NFIB: variants seen among roughly 807,000 people sequenced by gnomAD.
NFIB encodes nuclear factor I B.
NFIB carries 11 observed loss-of-function variants against 61.5 expected under a neutral mutation model. The observed-to-expected ratio is 0.18, with a 90% CI of 0.11 to 0.30. The LOEUF is 0.30. Ranked by LOEUF, NFIB falls within the 10% of genes least tolerant of loss-of-function variation. NFIB has a pLI of 1.00. For missense variants in NFIB, 471 were observed against 608.9 expected, an observed-to-expected ratio of 0.77 and a Z score of 2.38; for synonymous variants, 260 against 216.5, an observed-to-expected ratio of 1.20 and a Z score of -1.76.
chr9:14,178,971 TGTTA>T (rs1177952887), intron 3 of NFIB, among the ~76,000 whole-genome samples: 1 of 152,186 alleles, frequency 6.6e-6, no homozygotes, highest in East Asian at 1.9e-4. Flanking sequence ...GTTTTGTTTT[TGTTA>T]GTTTATTCTT....
chr9:14,352,478 G>A (rs79921410), intron 1 of NFIB, among the ~76,000 whole-genome samples: 5,409 of 152,270 alleles, frequency 0.036, 111 homozygotes, highest in South Asian at 0.059. Context: ...TGACATCACC[G>A]CTTCTTTTGC....
chr9:14,143,991 A>AGTGTGTGTGT (rs141101627), intron 6 of NFIB, among the ~76,000 whole-genome samples: 7,492 of 134,126 alleles, frequency 0.056, 272 homozygotes, highest in South Asian at 0.088. Context: ...AAAGTGACAG[A>AGTGTGTGTGT]GTGTGTGTGT....
upstream of NFIB, among the ~76,000 whole-genome samples, chr9:14,401,173 C>G (rs1261761910): frequency 1.3e-5 from 2 of 152,186 alleles, no homozygotes; most frequent in African/African-American, 2.4e-5. Flanking sequence ...CTTGAAAAGG[C>G]TCATTGTGTG....
intron 1 of NFIB, among the ~76,000 whole-genome samples, chr9:14,381,930 G>A (rs1438484738): frequency 6.6e-6 from 1 of 152,164 alleles, no homozygotes; most frequent in Non-Finnish European, 1.5e-5. Flanking sequence ...AACTAAGAGA[G>A]TGGTACCAAG....
rs190496301 is a variant in NFIB at position 14,179,848 on chromosome 9, G to T, written c.563-68C>A. Reference sequence around the variant, plus strand: ...TGAAAGAATTTCACAATCCTCAAAGGACTCGAAAAAAAAATTTGAAGGTAT... The same window carrying T: ...TGAAAGAATTTCACAATCCTCAAAGTACTCGAAAAAAAAATTTGAAGGTAT... On this transcript the variant is annotated intron_variant, in intron 2 of 10. Transcript: ENST00000380953. 4.0e-6 allele frequency: 6 copies of T among 1,512,812 alleles called. No individual in the cohort carries two copies. In the Admixed American group the frequency reaches 5.8e-5, roughly 15 times the overall value. 93.7% of individuals were successfully genotyped at this position (1,512,812 alleles called of 1,614,324 possible).
In NFIB at chr9:14,254,356, C is replaced by T. The variant is rs115133571; in HGVS notation, c.562+52633G>A. On this transcript the variant is annotated intron_variant, in intron 2 of 10. Coordinates refer to ENST00000380953, the MANE Select transcript of NFIB (RefSeq NM_001190737.2). ...ACAGCATTTCTCCATAAGATGCTCC[C>T]TCCACCCCTAGAACCAGATATGAGC... Among the ~76,000 whole-genome samples, 836 of 152,170 alleles carry T rather than the reference C, an allele frequency of 5.5e-3. 8 individuals are homozygous for T. Among genetic ancestry groups the T allele is most frequent in the African/African-American group, 0.018 (758 of 41,506 alleles).
the NFIB span, among the ~76,000 whole-genome samples, chr9:14,464,817 T>G: frequency 6.6e-6 from 1 of 152,152 alleles, no homozygotes; most frequent in Non-Finnish European, 1.5e-5. Flanking sequence ...CTGAGCGACC[T>G]TGTGAAGTTA....
At chr9:14,196,391 G>A (rs891284870) in intron 2 of NFIB, among the ~76,000 whole-genome samples, 1 of 152,088 alleles carries the variant, frequency 6.6e-6, no homozygotes, top group Non-Finnish European at 1.5e-5. Context: ...TAGAAGGCAA[G>A]GTCTGACTAA....
In NFIB at chr9:14,125,634, C is replaced by T; in HGVS notation, c.1058G>A (p.Ser353Asn). 1 of 1,614,060 alleles carries T rather than the reference C, an allele frequency of 6.2e-7. No individual in the cohort carries two copies. The highest frequency in any genetic ancestry group is 8.5e-7 in the Non-Finnish European group (1 of 1,179,944). The change falls in exon 7 of 11, where the codon AGT becomes AAT. Residue 353 changes from serine to asparagine, a missense_variant and splice_region_variant. Around this residue, in one of 2 missense-constraint regions of NFIB, gnomAD observed 372 missense variants for 395.6 expected, o/e 0.94. Coordinates refer to ENST00000380953, the MANE Select transcript of NFIB (RefSeq NM_001190737.2). ...CCTCTATGCTTGAAACTCCTCACCACTGTGTGCAACTCCAGGTATTCCGGG... is the reference window on the plus strand; with the variant it reads ...CCTCTATGCTTGAAACTCCTCACCATTGTGTGCAACTCCAGGTATTCCGGG... ...HHPGIPGVAH[S>N]VISTRTPPPP... is the part of the protein sequence containing the mutation.
chr9:14,343,468 G>A (rs1170699245), intron 1 of NFIB, among the ~76,000 whole-genome samples: 2 of 152,088 alleles, frequency 1.3e-5, no homozygotes, highest in Admixed American at 6.5e-5. Context: ...TGCTTCAGAA[G>A]GAGTTGCTAT....
chr9:14,082,068 G>A lies in NFIB; in HGVS notation c.*6241C>T, dbSNP rs1311797821. The A allele has an allele frequency of 1.9e-5, 4 of 210,930 alleles. No homozygotes were observed. Among genetic ancestry groups the A allele is most frequent in the Non-Finnish European group, 2.9e-5 (3 of 103,660 alleles). 13.1% of individuals were successfully genotyped at this position (210,930 alleles called of 1,614,324 possible). On this transcript the variant is annotated 3_prime_UTR_variant, in exon 11 of 11. Coordinates refer to ENST00000380953, the MANE Select transcript of NFIB (RefSeq NM_001190737.2). Reference sequence around the variant, plus strand: ...ACCCAAAGAACGTTATCCTCCAACCGGGCACAATAAAACCTTCACTAACAT... The same window carrying A: ...ACCCAAAGAACGTTATCCTCCAACCAGGCACAATAAAACCTTCACTAACAT...
At chr9:14,228,747 G>A (rs1031752866) in intron 2 of NFIB, among the ~76,000 whole-genome samples, 1 of 152,134 alleles carries the variant, frequency 6.6e-6, no homozygotes. Flanking sequence ...GGCTTTTTCA[G>A]TCCATCTGAG....
At chr9:14,264,392 C>T (rs2057026368) in intron 2 of NFIB, among the ~76,000 whole-genome samples, 1 of 151,918 alleles carries the variant, frequency 6.6e-6, no homozygotes, top group South Asian at 2.1e-4. Context: ...AAAGTACGTG[C>T]CCAATAAATA....
chr9:14,222,720 T>C (rs979046949), intron 2 of NFIB, among the ~76,000 whole-genome samples: 3 of 136,124 alleles, frequency 2.2e-5, no homozygotes, highest in African/African-American at 5.7e-5. Context: ...GCTTAAGCCC[T>C]GGGAACTCAA....
At chr9:14,349,454 T>C (rs995316719) in intron 1 of NFIB, among the ~76,000 whole-genome samples, 1 of 152,058 alleles carries the variant, frequency 6.6e-6, no homozygotes, top group Non-Finnish European at 1.5e-5. Flanking sequence ...GCATTCCGCG[T>C]TATGTTTCCC....
intron 1 of NFIB, among the ~76,000 whole-genome samples, chr9:14,344,207 T>C (rs956953406): frequency 1.5e-4 from 22 of 149,226 alleles, no homozygotes; most frequent in Non-Finnish European, 2.5e-4. Context: ...CACACATACA[T>C]AGCCAGACCC....
chr9:14,435,205 G>GTATTCACCT, the NFIB span, among the ~76,000 whole-genome samples: 12 of 152,218 alleles, frequency 7.9e-5, no homozygotes. Context: ...GGGTGAGTCT[G>GTATTCACCT]GTGAAAGTTC....
intron 2 of NFIB, among the ~76,000 whole-genome samples, chr9:14,248,470 T>C (rs114598365): frequency 0.014 from 2,126 of 152,156 alleles, 56 homozygotes; most frequent in African/African-American, 0.048. Flanking sequence ...GGGATCTCAC[T>C]ATGTTGTCCA....
intron 2 of NFIB, among the ~76,000 whole-genome samples, chr9:14,252,967 A>AAGGGAGGG (rs373082936): frequency 7.3e-6 from 1 of 137,250 alleles, no homozygotes; most frequent in African/African-American, 2.7e-5. Context: ...GGAAGGAAGG[A>AAGGGAGGG]AGGGAGGGAG....
Sources: allele counts gnomAD v4.1 joint callset (sites outside exome capture counted in the v4.1 genomes callset), GRCh38; gene constraint gnomAD v4.1.1; regional missense constraint gnomAD v4.1.1; transcripts MANE v1.5; gene names NCBI Gene and HGNC (gene_info 2026-07-23, HGNC 2026-07-21).